Variants in ABHD2 observed in about 807,000 individuals in gnomAD.
ABHD2 encodes abhydrolase domain containing 2, acylglycerol lipase.
A neutral mutation model predicts 48.1 loss-of-function variants in ABHD2; 20 were observed. That is an observed-to-expected ratio of 0.42 (90% CI 0.29 to 0.60). The LOEUF is 0.60. ABHD2 is among the 20% of genes least tolerant of loss of function. ABHD2 has a pLI of 0.24. For missense variants in ABHD2, 405 were observed against 550.9 expected, an observed-to-expected ratio of 0.74 and a Z score of 2.65; for synonymous variants, 209 against 214.2, an observed-to-expected ratio of 0.98 and a Z score of 0.21.
chr15:89,079,176 C>T, the ABHD2 span, among the ~76,000 whole-genome samples: 1 of 152,160 alleles, frequency 6.6e-6, no homozygotes, highest in Non-Finnish European at 1.5e-5. The surrounding 1 kb of genome is among the most constrained non-coding windows in gnomAD (Gnocchi z 4.3). Flanking sequence ...TGTAGATTTA[C>T]CAAGCAAGAA....
chr15:89,125,084 T>C (rs970508736), intron 3 of ABHD2, among the ~76,000 whole-genome samples: 1 of 145,746 alleles, frequency 6.9e-6, no homozygotes, highest in African/African-American at 2.8e-5. Flanking sequence ...AGTGAGACTT[T>C]GTCTCAAAAA....
chr15:89,148,049 G>A lies in ABHD2; in HGVS notation c.195-3628G>A, dbSNP rs868093395. 5.0e-4 allele frequency among the ~76,000 whole-genome samples: 75 copies of A among 149,448 alleles called. 1 individual carries two copies. Among genetic ancestry groups the A allele is most frequent in the African/African-American group, 1.7e-3 (69 of 40,678 alleles). On this transcript the variant is annotated intron_variant, in intron 3 of 10. Transcript: ENST00000352732. ...CAAGAGAATCTGTTGGACCCGGGAG[G>A]CAGAGGTAGCAGTGAGCCGAGATCG...
chr15:89,080,935 C>T, the ABHD2 span, among the ~76,000 whole-genome samples: 5 of 151,694 alleles, frequency 3.3e-5, no homozygotes, highest in Admixed American at 6.6e-5. Flanking sequence ...GCTAATTTCA[C>T]TTTACATAAT....
At position 89,186,943 on chromosome 15, in the gene ABHD2, G is replaced by A. The variant is rs1344594946; in HGVS notation, c.816-1250G>A. 6.6e-6 allele frequency among the ~76,000 whole-genome samples: 1 copy of A among 152,240 alleles called. No individual in the cohort carries two copies. The highest frequency in any genetic ancestry group is 2.4e-5 in the African/African-American group (1 of 41,466). On this transcript the variant is annotated intron_variant, in intron 7 of 10. Transcript: ENST00000352732. The surrounding 1 kb of genome is among the most constrained non-coding windows in gnomAD (Gnocchi z 4.3). The stretch of plus-strand genomic sequence containing the variant: ...TGTCCTTGTGTCCTCGTGTCTGGAA[G>A]GAGAGCAGAGGGAGACTTATGTCCC...
At chr15:89,110,257 T>C (rs2150803290) in intron 1 of ABHD2, among the ~76,000 whole-genome samples, 1 of 152,256 alleles carries the variant, frequency 6.6e-6, no homozygotes, top group Non-Finnish European at 1.5e-5. Context: ...AGATGGGGTC[T>C]CCCCATATTG....
At chr15:89,194,005 C>G (rs1248311935) in intron 10 of ABHD2, among the ~76,000 whole-genome samples, 3 of 151,900 alleles carry the variant, frequency 2.0e-5, no homozygotes, top group South Asian at 2.1e-4. Context: ...GCAGGAAGAT[C>G]ACTTGAGTCC....
chr15:89,071,910 G>A, the ABHD2 span, among the ~76,000 whole-genome samples: 16 of 152,094 alleles, frequency 1.1e-4, no homozygotes, highest in African/African-American at 3.4e-4. Context: ...TGCCACTTTC[G>A]GGTAGAAGCT....
At chr15:89,086,085 T>G (rs1174505091), upstream of ABHD2, among the ~76,000 whole-genome samples, 2 of 152,186 alleles carry the variant, frequency 1.3e-5, no homozygotes, top group African/African-American at 4.8e-5. Flanking sequence ...CAAGCTGGAA[T>G]GCAGTGGTGC....
intron 3 of ABHD2, among the ~76,000 whole-genome samples, chr15:89,141,478 C>G (rs986549842): frequency 6.6e-6 from 1 of 152,206 alleles, no homozygotes; most frequent in African/African-American, 2.4e-5. Context: ...GCTAAAAATA[C>G]AAAAATTAGC....
At position 89,201,121 on chromosome 15, in the gene ABHD2, T is replaced by A. The variant is rs2051461899; in HGVS notation, c.*5698T>A. 3 of 1,145,924 alleles carry A rather than the reference T, an allele frequency of 2.6e-6. No homozygotes were observed. The South Asian group carries it at 3.7e-5, about 14-fold the overall frequency. The allele number at this position is 1,145,924 out of a possible 1,614,324, so 71.0% of individuals were successfully genotyped here. A position where few individuals can be genotyped will look rare whatever the true frequency, so the allele number is the denominator to read the frequency against. On this transcript the variant is annotated 3_prime_UTR_variant, in exon 11 of 11. Coordinates refer to ENST00000352732, the MANE Select transcript of ABHD2 (RefSeq NM_152924.5). The stretch of plus-strand genomic sequence containing the variant: ...GGAATCCAGTGAAAATGGCTGCAAT[T>A]ACAACAAGAAGTGAAGGAAGAAGAC...
At chr15:89,080,936 T>G in the ABHD2 span, among the ~76,000 whole-genome samples, 1 of 151,814 alleles carries the variant, frequency 6.6e-6, no homozygotes, top group Non-Finnish European at 1.5e-5. Context: ...CTAATTTCAC[T>G]TTACATAATG....
At chr15:89,140,972 CTT>C (rs139248772) in intron 3 of ABHD2, among the ~76,000 whole-genome samples, 12 of 146,832 alleles carry the variant, frequency 8.2e-5, no homozygotes, top group Non-Finnish European at 1.1e-4. Flanking sequence ...TTTAGTTTCA[CTT>C]TTTTTTTTTT....
chr15:89,153,107 T>A (rs773584410), intron 4 of ABHD2, among the ~76,000 whole-genome samples: 3 of 152,186 alleles, frequency 2.0e-5, no homozygotes, highest in Non-Finnish European at 2.9e-5. Context: ...GGCTGCCTCC[T>A]CCTTGTCATT....
intron 3 of ABHD2, among the ~76,000 whole-genome samples, chr15:89,127,728 T>TATATATATATATACAC (rs1567080135): frequency 6.9e-6 from 1 of 144,632 alleles, no homozygotes; most frequent in African/African-American, 2.6e-5. Flanking sequence ...TACACATATA[T>TATATATATATATACAC]ATATATATAT....
Position 89,104,945 on chromosome 15 carries a change from T to C in ABHD2, c.-106-8780T>C, listed in dbSNP as rs557801572. On this transcript the variant is annotated intron_variant, in intron 1 of 10. Transcript: ENST00000352732. The surrounding 1 kb of genome is among the most constrained non-coding windows in gnomAD (Gnocchi z 4.4). ...CAATTTTGCTTCTGATATTACAGAA[T>C]TTAATTATGGTGTAGATTTTTAAAA... Among the ~76,000 whole-genome samples the C allele has an allele frequency of 4.6e-5, 7 of 152,360 alleles. No homozygotes were observed. In the South Asian group the frequency reaches 8.3e-4, roughly 18 times the overall value.
At chr15:89,074,039 C>T in the ABHD2 span, among the ~76,000 whole-genome samples, 1 of 152,134 alleles carries the variant, frequency 6.6e-6, no homozygotes, top group Non-Finnish European at 1.5e-5. Flanking sequence ...AAGCGGGTCA[C>T]CTCTGACAGA....
In ABHD2 at chr15:89,151,363, T is replaced by C. The variant is rs2050588535; in HGVS notation, c.195-314T>C. On this transcript the variant is annotated intron_variant, in intron 3 of 10. Coordinates refer to ENST00000352732, the MANE Select transcript of ABHD2 (RefSeq NM_152924.5). The surrounding 1 kb of genome is among the most constrained non-coding windows in gnomAD (Gnocchi z 4.7). ...CAAGTTAGAATGTGTTCAAAATATA[T>C]CACTTGCTTTCTTTTTATTCTATAT... is the stretch of plus-strand genomic sequence containing the variant. 6.6e-6 allele frequency among the ~76,000 whole-genome samples: 1 copy of C among 152,226 alleles called. No individual in the cohort carries two copies. The highest frequency in any genetic ancestry group is 2.4e-5 in the African/African-American group (1 of 41,458).
chr15:89,074,359 G>C, the ABHD2 span, among the ~76,000 whole-genome samples: 5 of 150,700 alleles, frequency 3.3e-5, no homozygotes, highest in South Asian at 2.1e-4. Flanking sequence ...TGGGGGGCAA[G>C]AGCGAAACTC....
At chr15:89,089,111 C>T (rs1286137228) in intron 1 of ABHD2, among the ~76,000 whole-genome samples, 1 of 152,240 alleles carries the variant, frequency 6.6e-6, no homozygotes, top group East Asian at 1.9e-4. Context: ...GTTCTAGGCC[C>T]TTCGTGAGCT....
Sources: allele counts gnomAD v4.1 joint callset (sites outside exome capture counted in the v4.1 genomes callset), GRCh38; gene constraint gnomAD v4.1.1; non-coding constraint Gnocchi (gnomAD v3.1); transcripts MANE v1.5; gene names NCBI Gene and HGNC (gene_info 2026-07-23, HGNC 2026-07-21).